Variants in LRP1B observed in about 807,000 individuals in gnomAD.
The protein encoded by LRP1B is LDL receptor related protein 1B.
In LRP1B, 217 loss-of-function variants were observed where a neutral mutation model predicts 556.6. That is an observed-to-expected ratio of 0.39 (90% CI 0.35 to 0.44). The LOEUF (loss-of-function observed/expected upper bound fraction) is 0.44. Among genes scored for constraint, LRP1B ranks in the 20% least tolerant of loss-of-function variants. The pLI is 1.00. For synonymous variants in LRP1B, 2,047 were observed against 1,865.8 expected, an observed-to-expected ratio of 1.10 and a Z score of -2.50; for missense variants, 5,053 against 5,620.8, an observed-to-expected ratio of 0.90 and a Z score of 3.23.
At position 141,399,377 on chromosome 2, in the gene LRP1B, T is replaced by C. The variant is rs75062060; in HGVS notation, c.343+81019A>G. 4.1e-3 allele frequency among the ~76,000 whole-genome samples: 631 copies of C among 152,286 alleles called. 1 individual carries two copies. Among genetic ancestry groups the C allele is most frequent in the Non-Finnish European group, 7.2e-3 (492 of 68,024 alleles). ...TGCACATGCACTAGACTTGTATACT[T>C]GTAGACATTCCCCAAACCTGGCAAA... On this transcript the variant is annotated intron_variant, in intron 3 of 90. Transcript: ENST00000389484.
chr2:140,750,450 C>T (rs1688536634), intron 35 of LRP1B, among the ~76,000 whole-genome samples: 1 of 150,492 alleles, frequency 6.6e-6, no homozygotes, highest in Non-Finnish European at 1.5e-5. Context: ...GTTATATATC[C>T]ACAGAGGACA....
At chr2:142,040,853 A>C (rs1184145133) in intron 1 of LRP1B, among the ~76,000 whole-genome samples, 1 of 151,260 alleles carries the variant, frequency 6.6e-6, no homozygotes, top group Non-Finnish European at 1.5e-5. Context: ...CATTGTAGCT[A>C]ATTGACAGCC....
In LRP1B at chr2:141,235,594, G is replaced by A. The variant is rs75075048; in HGVS notation, c.593-6154C>T. The stretch of plus-strand genomic sequence containing the variant: ...AAACAGCTTTGACAAAAGTACAGAT[G>A]TGTGAAAGATTTGAATATATTGAGG... On this transcript the variant is annotated intron_variant, in intron 5 of 90. Transcript: ENST00000389484. 8.9e-3 allele frequency among the ~76,000 whole-genome samples: 1,356 copies of A among 152,146 alleles called. 12 individuals are homozygous for A. The highest frequency in any genetic ancestry group is 0.014 in the Non-Finnish European group (968 of 68,010).
intron 35 of LRP1B, among the ~76,000 whole-genome samples, chr2:140,754,356 G>A (rs1473441731): frequency 6.6e-6 from 1 of 152,144 alleles, no homozygotes; most frequent in African/African-American, 2.4e-5. Flanking sequence ...ATCCCTGCCA[G>A]AATTTAATTG....
chr2:141,249,671 C>A (rs1217188810), intron 4 of LRP1B, among the ~76,000 whole-genome samples: 1 of 151,892 alleles, frequency 6.6e-6, no homozygotes, highest in East Asian at 1.9e-4. Flanking sequence ...AAGGAAAATT[C>A]ATGACTACTG....
At chr2:140,651,094 G>A (rs893227386) in intron 41 of LRP1B, among the ~76,000 whole-genome samples, 1 of 151,792 alleles carries the variant, frequency 6.6e-6, no homozygotes, top group Admixed American at 6.6e-5. Flanking sequence ...CTTTTCTTCC[G>A]AATGGCCTTT....
At chr2:140,918,720 T>C (rs1694652761) in intron 21 of LRP1B, among the ~76,000 whole-genome samples, 3 of 152,018 alleles carry the variant, frequency 2.0e-5, no homozygotes, top group African/African-American at 7.2e-5. Flanking sequence ...AGTGTGATGG[T>C]ATTGGGAGGT....
chr2:140,717,987 G>A (rs1236130827), intron 35 of LRP1B, among the ~76,000 whole-genome samples: 1 of 151,926 alleles, frequency 6.6e-6, no homozygotes, highest in Non-Finnish European at 1.5e-5. Context: ...TTCTCATTTG[G>A]TAAAAACATC....
intron 2 of LRP1B, among the ~76,000 whole-genome samples, chr2:141,724,276 C>T (rs867428709): frequency 6.6e-5 from 10 of 151,848 alleles, no homozygotes; most frequent in African/African-American, 2.2e-4. Context: ...ATTACCTCAT[C>T]TTATTTGGAA....
At chr2:140,545,064 T>A (rs551330309) in intron 43 of LRP1B, among the ~76,000 whole-genome samples, 2 of 152,256 alleles carry the variant, frequency 1.3e-5, no homozygotes, top group African/African-American at 4.8e-5. Context: ...GAGCTTTTTT[T>A]CATATGTTTT....
intron 1 of LRP1B, among the ~76,000 whole-genome samples, chr2:142,032,635 T>C (rs1174477700): frequency 4.6e-5 from 7 of 151,826 alleles, no homozygotes; most frequent in African/African-American, 1.7e-4. Context: ...CTGTCTCTCA[T>C]TTGTTATTAT....
chr2:141,964,517 G>C lies in LRP1B; in HGVS notation c.83-154116C>G, dbSNP rs954109721. Among the ~76,000 whole-genome samples, 79 of 151,784 alleles carry C rather than the reference G, an allele frequency of 5.2e-4. 1 individual carries two copies. Among genetic ancestry groups the C allele is most frequent in the African/African-American group, 1.8e-3 (76 of 41,382 alleles). On this transcript the variant is annotated intron_variant, in intron 1 of 90. Transcript: ENST00000389484. ...GGAAAGGATTCCCTATTTAATAAAT[G>C]GTGCTGGGAAAACTGGCTAGCCATA...
chr2:140,575,259 C>G (rs1681474801), intron 43 of LRP1B, among the ~76,000 whole-genome samples: 1 of 152,126 alleles, frequency 6.6e-6, no homozygotes. Context: ...GAAAAGTTAT[C>G]TGCATAATCT....
At chr2:141,186,397 A>C (rs1007501135) in intron 7 of LRP1B, among the ~76,000 whole-genome samples, 2 of 152,026 alleles carry the variant, frequency 1.3e-5, no homozygotes, top group African/African-American at 4.8e-5. Context: ...CCAAATGTAG[A>C]AGATAAAGGA....
At chr2:141,762,354 A>C (rs1694587888) in intron 2 of LRP1B, among the ~76,000 whole-genome samples, 2 of 152,052 alleles carry the variant, frequency 1.3e-5, no homozygotes, top group East Asian at 3.9e-4. Flanking sequence ...CTGTCCCCTC[A>C]AAAAGGGAGG....
intron 2 of LRP1B, among the ~76,000 whole-genome samples, chr2:141,675,498 G>A (rs979940120): frequency 4.2e-5 from 6 of 141,870 alleles, no homozygotes; most frequent in African/African-American, 1.6e-4. Context: ...TGATCACCTT[G>A]GGAAAACTAC....
At chr2:140,861,643 T>G (rs1289776033) in intron 27 of LRP1B, among the ~76,000 whole-genome samples, 2 of 152,190 alleles carry the variant, frequency 1.3e-5, no homozygotes, top group Non-Finnish European at 2.9e-5. Flanking sequence ...TCTAGTTCTA[T>G]TTAGTAAATT....
chr2:141,610,580 G>T (rs1329675200), intron 2 of LRP1B, among the ~76,000 whole-genome samples: 3 of 151,976 alleles, frequency 2.0e-5, no homozygotes, highest in Admixed American at 6.6e-5. Flanking sequence ...CTACCATAAG[G>T]TACCCCTCAT....
intron 5 of LRP1B, among the ~76,000 whole-genome samples, chr2:141,244,171 G>A (rs1683986355): frequency 6.6e-6 from 1 of 152,038 alleles, no homozygotes; most frequent in Admixed American, 6.6e-5. Context: ...TCACATAAAG[G>A]GCTATTTCTC....
Sources: allele counts gnomAD v4.1 joint callset (sites outside exome capture counted in the v4.1 genomes callset), GRCh38; gene constraint gnomAD v4.1.1; transcripts MANE v1.5; gene names NCBI Gene and HGNC (gene_info 2026-07-23, HGNC 2026-07-21).